The following TBC1D19 variants were observed in gnomAD, a reference collection of about 807,000 sequenced individuals.
TBC1D19 encodes TBC1 domain family member 19.
TBC1D19 carries 60 observed loss-of-function variants against 89.0 expected under a neutral mutation model. That is an observed-to-expected ratio of 0.67 (90% confidence interval 0.55 to 0.84). The LOEUF is 0.84. Among genes scored for constraint, TBC1D19 ranks in the 40% least tolerant of loss-of-function variants. TBC1D19 has a pLI of 0.00. For missense variants in TBC1D19, 500 were observed against 610.8 expected (o/e 0.82, Z 1.91); for synonymous variants, 189 against 199.7 (o/e 0.95, Z 0.45).
intron 13 of TBC1D19, among the ~76,000 whole-genome samples, chr4:26,716,989 T>C (rs1405099525): frequency 6.6e-6 from 1 of 152,100 alleles, no homozygotes; most frequent in African/African-American, 2.4e-5. Flanking sequence ...GTACCACTTA[T>C]GTAGTCATTT....
intron 13 of TBC1D19, among the ~76,000 whole-genome samples, chr4:26,705,124 T>TG (rs1180642905): frequency 1.1e-4 from 16 of 151,480 alleles, no homozygotes; most frequent in African/African-American, 2.2e-4. Context: ...CTTGTTTTTT[T>TG]TTGTTGTTGT....
intron 18 of TBC1D19, among the ~76,000 whole-genome samples, chr4:26,745,933 C>T (rs532234957): frequency 3.0e-4 from 45 of 152,226 alleles, no homozygotes; most frequent in Admixed American, 1.1e-3. Flanking sequence ...TTTTCTGTGG[C>T]TACTGTCAAG....
the TBC1D19 span, among the ~76,000 whole-genome samples, chr4:26,829,078 A>G: frequency 3.3e-5 from 5 of 152,252 alleles, no homozygotes; most frequent in African/African-American, 1.2e-4. Context: ...CAAGATTGGA[A>G]GGAAACATGA....
At chr4:26,821,995 A>T in the TBC1D19 span, among the ~76,000 whole-genome samples, 1 of 152,372 alleles carries the variant, frequency 6.6e-6, no homozygotes, top group South Asian at 2.1e-4. Context: ...GTTCTGCAGC[A>T]GTCGCCACAT....
chr4:26,615,452 C>G (rs1196482681), intron 3 of TBC1D19, among the ~76,000 whole-genome samples: 1 of 127,788 alleles, frequency 7.8e-6, no homozygotes, highest in East Asian at 2.5e-4. Flanking sequence ...AATTGCACGT[C>G]TGCTTTTTTT....
At chr4:26,591,324 A>G (rs1739788090) in intron 1 of TBC1D19, among the ~76,000 whole-genome samples, 1 of 152,164 alleles carries the variant, frequency 6.6e-6, no homozygotes, top group South Asian at 2.1e-4. Flanking sequence ...TTGCATACAA[A>G]TTTTAGCACT....
chr4:26,659,504 T>G, intron 7 of TBC1D19, 93 bp from the exon 8 acceptor site: 1 of 677,400 alleles, frequency 1.5e-6, no homozygotes, highest in Non-Finnish European at 2.5e-6. Context: ...GTAATTAATT[T>G]TGTGGTGATA....
the TBC1D19 span, among the ~76,000 whole-genome samples, chr4:26,788,822 A>C: frequency 6.6e-6 from 1 of 152,104 alleles, no homozygotes; most frequent in Non-Finnish European, 1.5e-5. Flanking sequence ...TGCTCTAGAG[A>C]CAAGTATTTG....
At chr4:26,593,860 G>A (rs975670982) in intron 1 of TBC1D19, among the ~76,000 whole-genome samples, 10 of 152,192 alleles carry the variant, frequency 6.6e-5, no homozygotes, top group Non-Finnish European at 1.0e-4. Context: ...GAGAGGTTGT[G>A]GAGAAATAGG....
chr4:26,709,649 G>T (rs930570087), intron 13 of TBC1D19, among the ~76,000 whole-genome samples: 20 of 151,934 alleles, frequency 1.3e-4, no homozygotes, highest in Non-Finnish European at 2.4e-4. Context: ...GCATATATGC[G>T]GCTATGCTAG....
chr4:26,800,977 A>G, the TBC1D19 span, among the ~76,000 whole-genome samples: 2 of 152,272 alleles, frequency 1.3e-5, no homozygotes, highest in East Asian at 1.9e-4. Flanking sequence ...CTCTGATGGT[A>G]GTTTCTTTTG....
At chr4:26,857,179 G>C in the TBC1D19 span, among the ~76,000 whole-genome samples, 1 of 152,150 alleles carries the variant, frequency 6.6e-6, no homozygotes, top group Non-Finnish European at 1.5e-5. Flanking sequence ...TTATGCTAGG[G>C]CTTCATTGAT....
chr4:26,626,849 TTTTTTA>T (rs1016137076), intron 4 of TBC1D19, among the ~76,000 whole-genome samples: 3 of 149,164 alleles, frequency 2.0e-5, no homozygotes, highest in Admixed American at 6.7e-5. Flanking sequence ...ATTTATTTTA[TTTTTTA>T]TTTTTATTTT....
At chr4:26,738,022 A>C (rs1718144206) in intron 16 of TBC1D19, among the ~76,000 whole-genome samples, 1 of 151,920 alleles carries the variant, frequency 6.6e-6, no homozygotes, top group African/African-American at 2.4e-5. Flanking sequence ...TCATTGGTTT[A>C]AAAGATAATT....
chr4:26,612,928 G>C (rs937582335), intron 1 of TBC1D19, among the ~76,000 whole-genome samples: 2 of 151,938 alleles, frequency 1.3e-5, no homozygotes, highest in South Asian at 2.1e-4. Flanking sequence ...AGTTTGTATA[G>C]TTTTAGTAGA....
the TBC1D19 span, among the ~76,000 whole-genome samples, chr4:26,854,769 A>G: frequency 7.7e-5 from 10 of 130,530 alleles, no homozygotes; most frequent in Admixed American, 7.7e-4. Context: ...CCCTTTTGTT[A>G]CAGAGGTGGT....
At chr4:26,702,908 A>G (rs192070938) in intron 13 of TBC1D19, among the ~76,000 whole-genome samples, 286 of 152,266 alleles carry the variant, frequency 1.9e-3, no homozygotes, top group African/African-American at 6.5e-3. Flanking sequence ...AACTGCTGCT[A>G]TATGTTTGAC....
chr4:26,654,814 T>G (rs1040271611), intron 7 of TBC1D19, among the ~76,000 whole-genome samples: 2 of 152,164 alleles, frequency 1.3e-5, no homozygotes, highest in Non-Finnish European at 2.9e-5. Flanking sequence ...CTTTGATGGG[T>G]TCGAACTTCC....
chr4:26,764,368 G>T, the TBC1D19 span, among the ~76,000 whole-genome samples: 2 of 152,132 alleles, frequency 1.3e-5, no homozygotes. Flanking sequence ...ACAGAGTCCA[G>T]ATCCCATGGT....
Sources: allele counts gnomAD v4.1 joint callset (sites outside exome capture counted in the v4.1 genomes callset), GRCh38; gene constraint gnomAD v4.1.1; transcripts MANE v1.5; gene names NCBI Gene and HGNC (gene_info 2026-07-23, HGNC 2026-07-21).